Variants in FGF13 observed in about 807,000 individuals in gnomAD.
The protein encoded by FGF13 is fibroblast growth factor 13.
In FGF13, 2 loss-of-function variants were observed where a neutral mutation model predicts 19.5. That is an observed-to-expected ratio of 0.10 (90% CI 0.04 to 0.32). FGF13 has a LOEUF of 0.32. Among genes scored for constraint, FGF13 ranks in the 10% least tolerant of loss-of-function variants. The pLI is 1.00. For synonymous variants in FGF13, 72 were observed against 76.9 expected (o/e 0.94, Z 0.33); for missense variants, 113 against 192.7 (o/e 0.59, Z 2.45).
At chrX:139,189,873 AT>A (rs774991114) in intron 1 of FGF13, among the ~76,000 whole-genome samples, 1 of 112,268 alleles carries the variant, frequency 8.9e-6, no homozygotes, top group South Asian at 3.7e-4. Flanking sequence ...AAAAGTAAAA[AT>A]AAAATTTTCA....
chrX:139,068,237 T>C (rs1325162973), intron 1 of FGF13, among the ~76,000 whole-genome samples: 3 of 95,535 alleles, frequency 3.1e-5, no homozygotes, highest in Admixed American at 2.3e-4. Context: ...ATTTATTAAA[T>C]AGGGAATCCT....
chrX:138,628,140 G>T lies in FGF13; in HGVS notation c.*4710C>A, dbSNP rs928321079. ...TCTCTCTCTGTTTCTTGGAGATAAAGAGCAGTCCAGAATTAGAGACATGTT... is the reference window on the plus strand; with the variant it reads ...TCTCTCTCTGTTTCTTGGAGATAAATAGCAGTCCAGAATTAGAGACATGTT... On this transcript the variant is annotated 3_prime_UTR_variant, in exon 5 of 5. Coordinates refer to ENST00000315930, the MANE Select transcript of FGF13 (RefSeq NM_004114.5). 2 of 111,355 alleles carry T rather than the reference G, an allele frequency of 1.8e-5. No individual in the cohort carries two copies. Among genetic ancestry groups the T allele is most frequent in the Non-Finnish European group, 1.9e-5 (1 of 53,120 alleles). 9.2% of individuals were successfully genotyped at this position (111,355 alleles called of 1,213,427 possible). A position where few individuals can be genotyped will look rare whatever the true frequency, so the allele number is the denominator to read the frequency against.
intron 3 of FGF13, among the ~76,000 whole-genome samples, chrX:138,678,995 G>A (rs913612338): frequency 8.9e-6 from 1 of 111,979 alleles, no homozygotes; most frequent in East Asian, 2.8e-4. Context: ...ACGGTGATGG[G>A]ATGCAAACAT....
At chrX:138,837,535 A>C (rs923992524) in intron 3 of FGF13, among the ~76,000 whole-genome samples, 1 of 112,259 alleles carries the variant, frequency 8.9e-6, no homozygotes, top group Non-Finnish European at 1.9e-5. Flanking sequence ...GCTGGAGGCT[A>C]AGTTGTTTAA....
At chrX:138,809,968 C>T (rs1031129828) in intron 3 of FGF13, among the ~76,000 whole-genome samples, 1 of 111,533 alleles carries the variant, frequency 9.0e-6, no homozygotes, top group Admixed American at 9.5e-5. Context: ...GGAAGAACAT[C>T]CCATGCTCAT....
chrX:139,028,252 A>G (rs1212503119), intron 1 of FGF13, among the ~76,000 whole-genome samples: 1 of 111,918 alleles, frequency 8.9e-6, no homozygotes, highest in Non-Finnish European at 1.9e-5. Flanking sequence ...CTCCATCCAC[A>G]TGGAAGTGCC....
intron 1 of FGF13, among the ~76,000 whole-genome samples, chrX:138,983,685 A>C (rs1045178911): frequency 5.4e-5 from 6 of 110,622 alleles, no homozygotes; most frequent in Non-Finnish European, 1.1e-4. Flanking sequence ...GAGTATTTAC[A>C]CAAAAGAATT....
At chrX:138,942,107 G>A (rs138372209) in intron 1 of FGF13, among the ~76,000 whole-genome samples, 2 of 111,983 alleles carry the variant, frequency 1.8e-5, no homozygotes, top group Admixed American at 9.5e-5. Flanking sequence ...GATATGTCTC[G>A]CATGGGGAGA....
At chrX:138,865,513 CTCTT>C (rs1037725036) in intron 1 of FGF13, among the ~76,000 whole-genome samples, 1 of 102,782 alleles carries the variant, frequency 9.7e-6, no homozygotes, top group Non-Finnish European at 2.0e-5. Context: ...TCTCTCCTCT[CTCTT>C]CCCTGAGGGC....
chrX:138,878,455 T>A (rs2091404264), intron 1 of FGF13, among the ~76,000 whole-genome samples: 1 of 108,130 alleles, frequency 9.2e-6, no homozygotes, highest in Admixed American at 9.9e-5. Flanking sequence ...TCCAGTTTCA[T>A]CCCTGCCCCT....
intron 3 of FGF13, among the ~76,000 whole-genome samples, chrX:138,810,928 TA>T (rs2090917694): frequency 9.0e-6 from 1 of 111,461 alleles, no homozygotes; most frequent in Admixed American, 9.5e-5. Context: ...TGGCAATCAT[TA>T]AAAAGTCAGG....
intron 1 of FGF13, among the ~76,000 whole-genome samples, chrX:139,147,895 T>A (rs765809727): frequency 9.1e-6 from 1 of 110,270 alleles, no homozygotes; most frequent in Non-Finnish European, 1.9e-5. Flanking sequence ...GTAATGCATC[T>A]GCAAAAACAA....
chrX:138,947,979 G>A (rs756575150), intron 1 of FGF13, among the ~76,000 whole-genome samples: 25 of 111,655 alleles, frequency 2.2e-4, no homozygotes, highest in Admixed American at 5.7e-4. Flanking sequence ...CCATCTACAA[G>A]CCAAGGAAAG....
Position 138,615,956 on chromosome X carries a change from C to T in FGF13, c.*16894G>A, listed in dbSNP as rs1482855369. ...GAGAATAGCATGAGGGAAACCACCC[C>T]CATGATTCAGTCCTCCACCTGGTCC... is the stretch of plus-strand genomic sequence containing the variant. On this transcript the variant is annotated 3_prime_UTR_variant, in exon 5 of 5. Coordinates refer to ENST00000315930, the MANE Select transcript of FGF13 (RefSeq NM_004114.5). 9.0e-6 allele frequency: 1 copy of T among 111,086 alleles called. No homozygotes were observed. The highest frequency in any genetic ancestry group is 3.3e-5 in the African/African-American group (1 of 30,454). 9.2% of individuals were successfully genotyped at this position (111,086 alleles called of 1,213,427 possible). A position where few individuals can be genotyped will look rare whatever the true frequency, so the allele number is the denominator to read the frequency against.
chrX:138,944,998 T>A (rs764488611), intron 1 of FGF13, among the ~76,000 whole-genome samples: 35 of 110,097 alleles, frequency 3.2e-4, no homozygotes, highest in Non-Finnish European at 6.1e-4. Context: ...CCACAAAAGC[T>A]GTTGGTCACC....
intron 1 of FGF13, among the ~76,000 whole-genome samples, chrX:139,092,610 C>T (rs1243296789): frequency 3.6e-5 from 4 of 111,874 alleles, no homozygotes; most frequent in Admixed American, 9.5e-5. Flanking sequence ...CTCTCAGGAT[C>T]GGCGCTACTT....
intron 1 of FGF13, among the ~76,000 whole-genome samples, chrX:138,932,620 CAA>C (rs1053915736): frequency 9.2e-6 from 1 of 108,187 alleles, no homozygotes; most frequent in African/African-American, 3.4e-5. Context: ...ACCACAACGA[CAA>C]AAAAAGAAAC....
At chrX:138,761,628 A>G (rs2090466953) in intron 3 of FGF13, among the ~76,000 whole-genome samples, 1 of 111,785 alleles carries the variant, frequency 8.9e-6, no homozygotes, top group Non-Finnish European at 1.9e-5. Context: ...TCCACTGTCC[A>G]GCACAGTGCC....
chrX:139,174,340 C>A (rs1189790474), intron 1 of FGF13, among the ~76,000 whole-genome samples: 3 of 112,227 alleles, frequency 2.7e-5, no homozygotes, highest in South Asian at 3.8e-4. Flanking sequence ...AATTTTCTCC[C>A]ATTCTGTAGG....
Sources: gnomAD v4.1 joint callset for allele counts (sites outside exome capture counted in the v4.1 genomes callset) on GRCh38, gnomAD v4.1.1 for gene constraint, MANE v1.5 for transcripts, NCBI Gene and HGNC (gene_info 2026-07-23, HGNC 2026-07-21) for gene names.